The following CEP85L variants were observed in gnomAD, a reference collection of about 807,000 sequenced individuals.
CEP85L encodes centrosomal protein of 85 kDa-like.
In CEP85L, 60 loss-of-function variants were observed where a neutral mutation model predicts 100.3. That is an observed-to-expected ratio of 0.60 (90% CI 0.49 to 0.74). CEP85L has a LOEUF of 0.74. Among genes scored for constraint, CEP85L ranks in the 30% least tolerant of loss-of-function variants. CEP85L has a pLI of 0.00. For synonymous variants in CEP85L, 319 were observed against 322.7 expected (o/e 0.99, Z 0.12); for missense variants, 973 against 936.2 (o/e 1.04, Z -0.51).
intron 1 of CEP85L, among the ~76,000 whole-genome samples, chr6:118,675,199 C>G (rs1776445703): frequency 6.6e-6 from 1 of 151,966 alleles, no homozygotes; most frequent in South Asian, 2.1e-4. Flanking sequence ...AAACATTATA[C>G]TAAGTGAAAG....
chr6:118,463,319 G>A lies in CEP85L; in HGVS notation c.*2086C>T, dbSNP rs967640670. ...CTAAAAATCTAGGAGAGATATTTAA[G>A]TAAGAACCTACTGGTCCAATTAGTG... On this transcript the variant is annotated 3_prime_UTR_variant, in exon 13 of 13. Transcript: ENST00000368491. 3 of 151,840 alleles carry A rather than the reference G, an allele frequency of 2.0e-5. No individual in the cohort carries two copies. The highest frequency in any genetic ancestry group is 4.4e-5 in the Non-Finnish European group (3 of 67,866). The allele number at this position is 151,840 out of a possible 1,614,324, so 9.4% of individuals were successfully genotyped here. A position where few individuals can be genotyped will look rare whatever the true frequency, so the allele number is the denominator to read the frequency against.
At chr6:118,569,341 C>CCAAAAAAAAAAAAAAAAAAAAA (rs1779740224) in intron 2 of CEP85L, among the ~76,000 whole-genome samples, 1 of 68,198 alleles carries the variant, frequency 1.5e-5, no homozygotes, top group South Asian at 6.8e-4. Context: ...GACTCTGTCT[C>CCAAAAAAAAAAAAAAAAAAAAA]AAAAAAAAAA....
At chr6:118,651,147 G>A (rs767421649) in intron 1 of CEP85L, 50 bp downstream of exon 1, 6 of 1,460,680 alleles carry the variant, frequency 4.1e-6, no homozygotes, top group South Asian at 2.7e-5. Flanking sequence ...CCGAGGCGCC[G>A]CGGTCGGCCG....
intron 2 of CEP85L, among the ~76,000 whole-genome samples, chr6:118,631,584 G>A (rs1450160286): frequency 1.3e-5 from 2 of 152,094 alleles, no homozygotes; most frequent in Non-Finnish European, 1.5e-5. Flanking sequence ...TTTTTCAATA[G>A]GTAAATGGTT....
At chr6:118,661,780 TAGAG>T (rs2115407966) in intron 1 of CEP85L, among the ~76,000 whole-genome samples, 1 of 152,228 alleles carries the variant, frequency 6.6e-6, no homozygotes, top group Non-Finnish European at 1.5e-5. Context: ...AGGGAAAAAA[TAGAG>T]AAGGAAGACA....
chr6:118,571,354 A>T (rs1368893401), intron 2 of CEP85L, among the ~76,000 whole-genome samples: 1 of 152,252 alleles, frequency 6.6e-6, no homozygotes, highest in Non-Finnish European at 1.5e-5. Flanking sequence ...TGTGGCTTAT[A>T]GCATTGACAG....
Position 118,651,375 on chromosome 6 carries a change from G to C in CEP85L, c.-106C>G, listed in dbSNP as rs1156259924. 2.5e-5 allele frequency: 34 copies of C among 1,364,034 alleles called. No individual in the cohort carries two copies. Among genetic ancestry groups the C allele is most frequent in the Middle Eastern group, 2.0e-4 (1 of 5,088 alleles). The allele number at this position is 1,364,034 out of a possible 1,614,324, so 84.5% of individuals were successfully genotyped here. ...CGCGGAGCGTGGGCCTCGGCGACAC[G>C]GGCAGGAGGAAAGGCGGGATGGCTG... On this transcript the variant is annotated 5_prime_UTR_variant, in exon 1 of 13. Transcript: ENST00000368491.
intron 1 of CEP85L, among the ~76,000 whole-genome samples, chr6:118,673,799 A>G (rs1031410097): frequency 6.6e-6 from 1 of 152,250 alleles, no homozygotes; most frequent in African/African-American, 2.4e-5. Flanking sequence ...TTCTAGATTA[A>G]AAGACTTAGT....
chr6:118,653,220 C>T (rs1017253699), upstream of CEP85L, among the ~76,000 whole-genome samples: 1 of 151,962 alleles, frequency 6.6e-6, no homozygotes, highest in Non-Finnish European at 1.5e-5. Flanking sequence ...AAAGTACATG[C>T]GAAGGTGAAA....
chr6:118,522,713 A>G (rs970460107), intron 4 of CEP85L, among the ~76,000 whole-genome samples: 3 of 152,056 alleles, frequency 2.0e-5, no homozygotes, highest in Non-Finnish European at 4.4e-5. Context: ...CCCTGTCCCT[A>G]CTAAAAAATA....
chr6:118,522,247 C>A (rs1407410702), intron 4 of CEP85L, among the ~76,000 whole-genome samples: 1 of 152,116 alleles, frequency 6.6e-6, no homozygotes, highest in Non-Finnish European at 1.5e-5. Context: ...GTAATCCCAG[C>A]TACTTGGGAG....
At chr6:118,593,900 T>C (rs1203421400) in intron 2 of CEP85L, among the ~76,000 whole-genome samples, 1 of 152,074 alleles carries the variant, frequency 6.6e-6, no homozygotes, top group Non-Finnish European at 1.5e-5. Flanking sequence ...CAAGCTACTC[T>C]CTCAGCCTAG....
chr6:118,532,590 A>C (rs1034842789), intron 3 of CEP85L, among the ~76,000 whole-genome samples: 2 of 152,176 alleles, frequency 1.3e-5, no homozygotes, highest in Admixed American at 1.3e-4. Context: ...AATAAATCTA[A>C]AGATTTAGAT....
chr6:118,483,560 G>T, intron 7 of CEP85L, 146 bp downstream of exon 7: 1 of 660,966 alleles, frequency 1.5e-6, no homozygotes, highest in Non-Finnish European at 2.6e-6. Context: ...ACTTATGCAT[G>T]CTTAGATAAA....
At chr6:118,468,519 T>C (rs1478363503) in intron 12 of CEP85L, among the ~76,000 whole-genome samples, 4 of 152,168 alleles carry the variant, frequency 2.6e-5, no homozygotes, top group Non-Finnish European at 5.9e-5. Flanking sequence ...CCCACAATTA[T>C]GTGTGGAGGA....
intron 3 of CEP85L, among the ~76,000 whole-genome samples, chr6:118,549,311 G>A (rs1778396010): frequency 6.6e-6 from 1 of 151,778 alleles, no homozygotes; most frequent in Admixed American, 6.6e-5. Flanking sequence ...ATAAATGCCA[G>A]GAATGGAGAT....
chr6:118,643,530 A>G (rs769208596), intron 1 of CEP85L, among the ~76,000 whole-genome samples: 16 of 152,254 alleles, frequency 1.1e-4, no homozygotes, highest in Non-Finnish European at 7.3e-5. Context: ...AATAAAGCAA[A>G]TAAGTTTCAT....
intron 10 of CEP85L, among the ~76,000 whole-genome samples, chr6:118,474,553 T>C (rs1182141366): frequency 2.6e-5 from 4 of 152,222 alleles, no homozygotes; most frequent in East Asian, 3.9e-4. Context: ...TTGCCCCAGC[T>C]TGTGGGGCAC....
chr6:118,631,879 C>G (rs1002762539), intron 2 of CEP85L, among the ~76,000 whole-genome samples: 33 of 152,302 alleles, frequency 2.2e-4, no homozygotes, highest in African/African-American at 7.5e-4. Flanking sequence ...CTATCAATGT[C>G]AATACCCTGG....
Sources: gnomAD v4.1 joint callset for allele counts (sites outside exome capture counted in the v4.1 genomes callset) on GRCh38, gnomAD v4.1.1 for gene constraint, MANE v1.5 for transcripts, NCBI Gene and HGNC (gene_info 2026-07-23, HGNC 2026-07-21) for gene names.